Variants in GABRG3 observed in about 807,000 individuals in gnomAD.
The protein encoded by GABRG3 is gamma-aminobutyric acid receptor subunit gamma-3.
GABRG3 carries 25 observed loss-of-function variants against 48.8 expected under a neutral mutation model. The observed-to-expected ratio is 0.51, with a 90% confidence interval of 0.37 to 0.72. The LOEUF (loss-of-function observed/expected upper bound fraction) is 0.72. Among genes scored for constraint, GABRG3 ranks in the 30% least tolerant of loss-of-function variants. GABRG3 has a pLI of 0.00. For synonymous variants in GABRG3, 227 were observed against 217.6 expected, an observed-to-expected ratio of 1.04 and a Z score of -0.38; for missense variants, 394 against 577.9, an observed-to-expected ratio of 0.68 and a Z score of 3.26.
At chr15:27,039,042 C>T (rs528632656) in intron 3 of GABRG3, among the ~76,000 whole-genome samples, 2 of 152,290 alleles carry the variant, frequency 1.3e-5, no homozygotes, top group East Asian at 3.9e-4. Flanking sequence ...CTGGGTTGGG[C>T]TCCGTTACAA....
At chr15:27,074,938 T>TGA (rs1195192763) in intron 3 of GABRG3, among the ~76,000 whole-genome samples, 1 of 152,156 alleles carries the variant, frequency 6.6e-6, no homozygotes, top group Non-Finnish European at 1.5e-5. Context: ...GTTTGAATGA[T>TGA]GAGAACATGT....
intron 2 of GABRG3, among the ~76,000 whole-genome samples, chr15:26,985,209 A>G (rs1247902180): frequency 6.6e-6 from 1 of 152,182 alleles, no homozygotes; most frequent in African/African-American, 2.4e-5. Flanking sequence ...CTGGGCAGGA[A>G]TGCTGGAGGA....
chr15:27,410,854 G>A (rs796581781), intron 5 of GABRG3, among the ~76,000 whole-genome samples: 13,549 of 139,112 alleles, frequency 0.097, 648 homozygotes, highest in Middle Eastern at 0.21. Flanking sequence ...TCGTGTGTGT[G>A]TGTGTGTGTG....
intron 3 of GABRG3, among the ~76,000 whole-genome samples, chr15:27,050,971 G>A (rs1187130988): frequency 6.6e-6 from 1 of 152,140 alleles, no homozygotes; most frequent in Non-Finnish European, 1.5e-5. Flanking sequence ...TATGGTAAGA[G>A]GAAAATGATC....
intron 3 of GABRG3, among the ~76,000 whole-genome samples, chr15:27,313,216 G>GTA (rs1310607749): frequency 2.2e-5 from 2 of 92,678 alleles, no homozygotes; most frequent in Non-Finnish European, 4.4e-5. Context: ...ATATGTATAT[G>GTA]TATATATATA....
At chr15:27,199,193 G>A (rs1398671156) in intron 3 of GABRG3, among the ~76,000 whole-genome samples, 2 of 152,266 alleles carry the variant, frequency 1.3e-5, no homozygotes, top group South Asian at 2.1e-4. Context: ...TGGAACAAAC[G>A]AACCACGTAT....
chr15:27,288,190 T>C (rs180884161), intron 3 of GABRG3, among the ~76,000 whole-genome samples: 21 of 152,288 alleles, frequency 1.4e-4, no homozygotes, highest in Admixed American at 9.2e-4. Context: ...GTGGTCTTCA[T>C]GGTTTTCATC....
At chr15:27,443,948 A>G (rs1343460339) in intron 5 of GABRG3, among the ~76,000 whole-genome samples, 1 of 152,238 alleles carries the variant, frequency 6.6e-6, no homozygotes, top group Non-Finnish European at 1.5e-5. Flanking sequence ...AAACATATCT[A>G]TTAATCAACA....
At chr15:27,351,348 GTGTA>G (rs990352001) in intron 5 of GABRG3, among the ~76,000 whole-genome samples, 14 of 146,508 alleles carry the variant, frequency 9.6e-5, no homozygotes, top group South Asian at 2.2e-4. Context: ...TGGTATATGT[GTGTA>G]TGTGTGAGTG....
chr15:27,313,278 A>ATATATATATG (rs1555370927), intron 3 of GABRG3, among the ~76,000 whole-genome samples: 1 of 79,832 alleles, frequency 1.3e-5, no homozygotes, highest in East Asian at 5.2e-4. Flanking sequence ...ATATATATAT[A>ATATATATATG]TATATATATA....
At chr15:27,195,952 T>G (rs759400922) in intron 3 of GABRG3, among the ~76,000 whole-genome samples, 1 of 152,160 alleles carries the variant, frequency 6.6e-6, no homozygotes, top group Non-Finnish European at 1.5e-5. Flanking sequence ...CCAGCCAGCA[T>G]GATGGGTAAT....
At chr15:27,175,344 C>G (rs574095963) in intron 3 of GABRG3, among the ~76,000 whole-genome samples, 1 of 152,328 alleles carries the variant, frequency 6.6e-6, no homozygotes, top group South Asian at 2.1e-4. Context: ...GCCCTGACAC[C>G]TTGGTGCTAA....
intron 6 of GABRG3, among the ~76,000 whole-genome samples, chr15:27,510,564 C>T (rs764124588): frequency 6.6e-6 from 1 of 152,188 alleles, no homozygotes; most frequent in Non-Finnish European, 1.5e-5. Context: ...GAGGCTTTCT[C>T]AGGATTCTCC....
At chr15:27,043,923 G>A (rs1428506549) in intron 3 of GABRG3, among the ~76,000 whole-genome samples, 3 of 152,194 alleles carry the variant, frequency 2.0e-5, no homozygotes, top group Non-Finnish European at 4.4e-5. Context: ...CTGCCTGCCA[G>A]CAGGATGCAG....
At chr15:27,252,037 T>G (rs1890473305) in intron 3 of GABRG3, among the ~76,000 whole-genome samples, 1 of 152,196 alleles carries the variant, frequency 6.6e-6, no homozygotes, top group African/African-American at 2.4e-5. Flanking sequence ...TGGAAAAAGA[T>G]GGCCCTGAGG....
intron 5 of GABRG3, chr15:27,364,898 A>G (rs574460043): frequency 2.5e-4 from 38 of 152,306 alleles, no homozygotes; most frequent in African/African-American, 8.7e-4. Flanking sequence ...ATGTGTCGTG[A>G]CTTTTTTAGC....
At position 27,398,239 on chromosome 15, in the gene GABRG3, A is replaced by T. The variant is rs189922697; in HGVS notation, c.574+69351A>T. Reference sequence around the variant, plus strand: ...CCTTTGCAGGAACAACAGTTTCTGGATGGCAAGGCCTTACATTGTGCCTGA... The same window carrying T: ...CCTTTGCAGGAACAACAGTTTCTGGTTGGCAAGGCCTTACATTGTGCCTGA... On this transcript the variant is annotated intron_variant, in intron 5 of 9. Transcript: ENST00000615808. 3.9e-4 allele frequency among the ~76,000 whole-genome samples: 60 copies of T among 152,316 alleles called. 1 individual carries two copies. In the East Asian group the frequency reaches 0.011, roughly 28 times the overall value.
intron 3 of GABRG3, among the ~76,000 whole-genome samples, chr15:27,201,526 G>A (rs1023532496): frequency 6.6e-6 from 1 of 151,808 alleles, no homozygotes; most frequent in Non-Finnish European, 1.5e-5. Context: ...GGAGGAGGGA[G>A]TGTGAGCTGA....
intron 3 of GABRG3, among the ~76,000 whole-genome samples, chr15:27,308,115 T>A (rs1224194905): frequency 1.7e-5 from 2 of 119,980 alleles, no homozygotes; most frequent in South Asian, 4.9e-4. Context: ...TGTTTATACA[T>A]CCAAACATAT....
Sources: gnomAD v4.1 joint callset for allele counts (sites outside exome capture counted in the v4.1 genomes callset) on GRCh38, gnomAD v4.1.1 for gene constraint, MANE v1.5 for transcripts, NCBI Gene and HGNC (gene_info 2026-07-23, HGNC 2026-07-21) for gene names.